The following PAN3 variants were observed in gnomAD, a reference collection of about 807,000 sequenced individuals.
PAN3 encodes PAN2-PAN3 deadenylation complex subunit PAN3.
PAN3 carries 19 observed loss-of-function variants against 96.2 expected under a neutral mutation model. The ratio of observed to expected loss-of-function variants is 0.20; its 90% CI spans 0.14 to 0.29. The LOEUF (loss-of-function observed/expected upper bound fraction) is 0.29. PAN3 is among the 10% of genes least tolerant of loss of function. The pLI is 1.00. For missense variants in PAN3, 882 were observed against 1,108.1 expected, an observed-to-expected ratio of 0.80 and a Z score of 2.90; for synonymous variants, 433 against 406.6, an observed-to-expected ratio of 1.06 and a Z score of -0.78.
chr13:28,156,297 G>A (rs1251535161), intron 1 of PAN3, among the ~76,000 whole-genome samples: 1 of 152,060 alleles, frequency 6.6e-6, no homozygotes, highest in Non-Finnish European at 1.5e-5. Flanking sequence ...TGCATGTAGG[G>A]TAGAAAACCT....
chr13:28,174,006 A>G (rs1487639299), intron 1 of PAN3, among the ~76,000 whole-genome samples: 1 of 152,254 alleles, frequency 6.6e-6, no homozygotes, highest in African/African-American at 2.4e-5. Flanking sequence ...TGCAAGTGGT[A>G]GAAACTTAAT....
intron 6 of PAN3, among the ~76,000 whole-genome samples, chr13:28,231,769 G>T (rs967968127): frequency 6.6e-6 from 1 of 152,110 alleles, no homozygotes. Flanking sequence ...AGGTATGGTG[G>T]CACACACCTG....
intron 4 of PAN3, among the ~76,000 whole-genome samples, chr13:28,181,504 CAAAAA>C (rs894039087): frequency 1.7e-5 from 1 of 57,266 alleles, no homozygotes; most frequent in Non-Finnish European, 3.3e-5. Context: ...AACCCTGTCT[CAAAAA>C]AAAAAAAAAA....
At chr13:28,283,394 G>T (rs1252984818) in intron 17 of PAN3, among the ~76,000 whole-genome samples, 1 of 152,246 alleles carries the variant, frequency 6.6e-6, no homozygotes, top group East Asian at 1.9e-4. Context: ...GGTTGTCTAT[G>T]AATAAAGTAA....
At chr13:28,180,128 C>T (rs1344809322) in intron 4 of PAN3, among the ~76,000 whole-genome samples, 1 of 152,126 alleles carries the variant, frequency 6.6e-6, no homozygotes, top group African/African-American at 2.4e-5. Context: ...ACTTTCTAGG[C>T]TGTAATCATC....
intron 6 of PAN3, among the ~76,000 whole-genome samples, chr13:28,225,976 T>C (rs1047029686): frequency 6.6e-6 from 1 of 152,200 alleles, no homozygotes; most frequent in African/African-American, 2.4e-5. Context: ...TCCACAGATA[T>C]GTCTACCTAG....
intron 1 of PAN3, among the ~76,000 whole-genome samples, chr13:28,142,833 A>G (rs1053933550): frequency 3.3e-5 from 5 of 152,158 alleles, no homozygotes; most frequent in Non-Finnish European, 7.3e-5. Context: ...ATAGAGCATA[A>G]TTCTCTCCAT....
intron 5 of PAN3, among the ~76,000 whole-genome samples, chr13:28,203,338 C>A (rs541582300): frequency 6.6e-6 from 1 of 152,238 alleles, no homozygotes; most frequent in Non-Finnish European, 1.5e-5. Context: ...GGGCCTCACT[C>A]TGTTGCCCAG....
rs35542876 is a variant in PAN3, at chr13:28,280,555, A to ATTTTTT, written c.2319+33_2319+38dup. On this transcript the variant is annotated intron_variant, in intron 16 of 18. Transcript: ENST00000380958. Reference sequence around the variant, plus strand: ...GACCTTGCAAAGGTAAAGAGTGTAAATTTTTTTTTTTTTTTTTTTTTTTTG... The same window carrying ATTTTTT: ...GACCTTGCAAAGGTAAAGAGTGTAAATTTTTTTTTTTTTTTTTTTTTTTTTTTTTTG... The ATTTTTT allele has an allele frequency of 1.8e-4, 204 of 1,150,500 alleles. No individual in the cohort carries two copies. The highest frequency in any genetic ancestry group is 1.3e-3 in the African/African-American group (63 of 46,730). 71.3% of individuals were successfully genotyped at this position (1,150,500 alleles called of 1,614,324 possible).
At chr13:28,188,706 A>G (rs1223788200) in intron 4 of PAN3, among the ~76,000 whole-genome samples, 1 of 152,228 alleles carries the variant, frequency 6.6e-6, no homozygotes, top group Non-Finnish European at 1.5e-5. Flanking sequence ...AATTCACGGC[A>G]TTGGAAACTT....
intron 1 of PAN3, 85 bp downstream of exon 1, chr13:28,139,172 C>A: frequency 8.1e-7 from 1 of 1,228,510 alleles, no homozygotes; most frequent in Non-Finnish European, 1.0e-6. Flanking sequence ...GGGAGCTGAG[C>A]ACGGCCCGCG....
rs551656526 is a variant in PAN3 at position 28,170,228 on chromosome 13, A to G, written c.431-4044A>G. 3.9e-5 allele frequency among the ~76,000 whole-genome samples: 6 copies of G among 152,278 alleles called. No individual in the cohort carries two copies. The South Asian group carries it at 1.0e-3, about 26-fold the overall frequency. On this transcript the variant is annotated intron_variant, in intron 1 of 18. Coordinates refer to ENST00000380958, the MANE Select transcript of PAN3 (RefSeq NM_175854.8). Reference sequence around the variant, plus strand: ...TGAAAGGAATATATATACCAGTGTTAATATAGTGAAAATAACTACCAGAAA... The same window carrying G: ...TGAAAGGAATATATATACCAGTGTTGATATAGTGAAAATAACTACCAGAAA...
chr13:28,260,471 C>T lies in PAN3; in HGVS notation c.1273C>T (p.Pro425Ser). 1 of 1,612,968 alleles carries T rather than the reference C, an allele frequency of 6.2e-7. No homozygotes were observed. Residue 425 changes from proline to serine, a missense_variant, in exon 8 of 19, where the codon CCT (proline) becomes TCT (serine). Around this residue, in one of 3 missense-constraint regions of PAN3, gnomAD observed 364 missense variants for 513.6 expected, o/e 0.71. Coordinates refer to ENST00000380958, the MANE Select transcript of PAN3 (RefSeq NM_175854.8). ...GGTGTTTCCAAACTATCATATTTAT[C>T]CTCCAACTGCACCTCACGTTGCTTA... ...GMVFPNYHIYPPTAPHVAYMQ... is the reference protein window; with the variant it reads ...GMVFPNYHIYSPTAPHVAYMQ...
intron 6 of PAN3, among the ~76,000 whole-genome samples, chr13:28,226,206 T>C (rs1376699886): frequency 1.3e-5 from 2 of 152,232 alleles, no homozygotes; most frequent in Admixed American, 1.3e-4. Context: ...GATTATTTTG[T>C]GTTTACTAAG....
At chr13:28,217,570 G>A (rs1334442990) in intron 5 of PAN3, among the ~76,000 whole-genome samples, 2 of 149,502 alleles carry the variant, frequency 1.3e-5, no homozygotes, top group Admixed American at 1.3e-4. Context: ...AACAGAGTGA[G>A]ATTCTGTCTC....
At chr13:28,287,405 A>G (rs1037068135) in intron 17 of PAN3, among the ~76,000 whole-genome samples, 1 of 152,172 alleles carries the variant, frequency 6.6e-6, no homozygotes, top group Non-Finnish European at 1.5e-5. Flanking sequence ...TTTATATCAT[A>G]TTCCTTTTAG....
At chr13:28,243,434 T>C (rs952628755) in intron 6 of PAN3, among the ~76,000 whole-genome samples, 6 of 152,212 alleles carry the variant, frequency 3.9e-5, no homozygotes, top group Non-Finnish European at 5.9e-5. Context: ...TTCACAGCTT[T>C]TATTTTTCAT....
Position 28,223,585 on chromosome 13 carries a change from C to T in PAN3, c.1000+3207C>T, listed in dbSNP as rs1326670586. On this transcript the variant is annotated intron_variant, in intron 6 of 18. Coordinates refer to ENST00000380958, the MANE Select transcript of PAN3 (RefSeq NM_175854.8). ...TGTTTTTTGTTTTTTGTTTTTGAGA[C>T]GGAGTTTTGCTCTTGTTGCCCAGGC... Among the ~76,000 whole-genome samples, 5 of 150,942 alleles carry T rather than the reference C, an allele frequency of 3.3e-5. No homozygotes were observed. The East Asian group carries it at 7.8e-4, about 23-fold the overall frequency.
At chr13:28,194,723 G>A (rs929456190) in intron 4 of PAN3, among the ~76,000 whole-genome samples, 4 of 151,722 alleles carry the variant, frequency 2.6e-5, no homozygotes, top group African/African-American at 7.3e-5. Flanking sequence ...GCCCATCTCC[G>A]CCTCCCAATG....
Sources: allele counts gnomAD v4.1 joint callset (sites outside exome capture counted in the v4.1 genomes callset), GRCh38; gene constraint gnomAD v4.1.1; regional missense constraint gnomAD v4.1.1; transcripts MANE v1.5; gene names NCBI Gene and HGNC (gene_info 2026-07-23, HGNC 2026-07-21).